The following LRBA variants were observed in gnomAD, a reference collection of about 807,000 sequenced individuals.
LRBA encodes LPS responsive beige-like anchor protein, also known as lipopolysaccharide-responsive and beige-like anchor protein.
LRBA carries 176 observed loss-of-function variants against 330.0 expected under a neutral mutation model. That is an observed-to-expected ratio of 0.53 (90% CI 0.47 to 0.60). LRBA has a LOEUF of 0.60. Ranked by LOEUF, LRBA falls within the 20% of genes least tolerant of loss-of-function variation. The probability of loss-of-function intolerance (pLI) is 0.00; values close to 1 mark genes in which losing one functional copy is unlikely to be tolerated. For missense variants in LRBA, 3,259 were observed against 3,444.8 expected, an observed-to-expected ratio of 0.95 and a Z score of 1.35; for synonymous variants, 1,230 against 1,193.0, an observed-to-expected ratio of 1.03 and a Z score of -0.64.
intron 53 of LRBA, among the ~76,000 whole-genome samples, chr4:150,291,682 A>C (rs1381917106): frequency 7.6e-6 from 1 of 131,110 alleles, no homozygotes; most frequent in Non-Finnish European, 1.6e-5. Flanking sequence ...TCAGGGATCT[A>C]GAACTAGAAA....
intron 40 of LRBA, among the ~76,000 whole-genome samples, chr4:150,536,565 T>C (rs1412935976): frequency 1.3e-5 from 2 of 152,234 alleles, no homozygotes; most frequent in African/African-American, 4.8e-5. Context: ...TGCAAAAAGT[T>C]AGTGTGTTGT....
intron 40 of LRBA, among the ~76,000 whole-genome samples, chr4:150,527,737 T>C (rs1024589869): frequency 6.6e-6 from 1 of 152,190 alleles, no homozygotes; most frequent in African/African-American, 2.4e-5. Context: ...TAAACTATGT[T>C]TCCTACACTT....
intron 36 of LRBA, among the ~76,000 whole-genome samples, chr4:150,713,855 A>G (rs193260527): frequency 6.6e-6 from 1 of 152,358 alleles, no homozygotes; most frequent in Admixed American, 6.5e-5. Context: ...TTTTCCCCAT[A>G]TAAAACCAAA....
chr4:150,278,834 T>TC (rs1183682765), intron 55 of LRBA, among the ~76,000 whole-genome samples: 219 of 147,490 alleles, frequency 1.5e-3, no homozygotes, highest in African/African-American at 5.0e-3. Flanking sequence ...TTTTTTTTTT[T>TC]CCCCCCTCGA....
chr4:150,506,862 T>A (rs2152124287), intron 40 of LRBA, among the ~76,000 whole-genome samples: 1 of 152,324 alleles, frequency 6.6e-6, no homozygotes, highest in South Asian at 2.1e-4. Flanking sequence ...CTTAAGCTGA[T>A]AAGCAACTTC....
chr4:150,424,753 G>A (rs929999205), intron 46 of LRBA, among the ~76,000 whole-genome samples: 9 of 152,230 alleles, frequency 5.9e-5, no homozygotes, highest in African/African-American at 1.9e-4. Context: ...ACAGACATGG[G>A]AAGAACATGC....
At chr4:150,478,699 C>A (rs1167756072) in intron 42 of LRBA, among the ~76,000 whole-genome samples, 1 of 152,138 alleles carries the variant, frequency 6.6e-6, no homozygotes, top group African/African-American at 2.4e-5. Context: ...TGCTTCAGGG[C>A]CTTTGCATAT....
chr4:150,987,997 G>A (rs1425391186), intron 2 of LRBA, among the ~76,000 whole-genome samples: 5 of 137,458 alleles, frequency 3.6e-5, no homozygotes, highest in African/African-American at 1.4e-4. Flanking sequence ...GCAAGACTCC[G>A]TCTCAAAAAA....
At chr4:150,289,767 C>A (rs923634983) in intron 53 of LRBA, among the ~76,000 whole-genome samples, 4 of 152,232 alleles carry the variant, frequency 2.6e-5, no homozygotes, top group African/African-American at 9.6e-5. Flanking sequence ...AAAATAAATA[C>A]CTACTACTTG....
chr4:150,532,774 AAATTT>A (rs765869142), intron 40 of LRBA, among the ~76,000 whole-genome samples: 1 of 152,148 alleles, frequency 6.6e-6, no homozygotes, highest in Non-Finnish European at 1.5e-5. Flanking sequence ...GAAAGAAATT[AAATTT>A]AATATGTAAT....
intron 40 of LRBA, among the ~76,000 whole-genome samples, chr4:150,578,786 C>A (rs1023252266): frequency 6.6e-6 from 1 of 152,200 alleles, no homozygotes; most frequent in African/African-American, 2.4e-5. Flanking sequence ...CTGAAGGTTA[C>A]GGACTACCTG....
chr4:150,917,263 G>C (rs1408210394), intron 5 of LRBA, among the ~76,000 whole-genome samples: 1 of 150,786 alleles, frequency 6.6e-6, no homozygotes, highest in African/African-American at 2.5e-5. Context: ...ACATAGTAAT[G>C]TTAATTAAAT....
intron 42 of LRBA, among the ~76,000 whole-genome samples, chr4:150,478,000 T>G (rs1561232793): frequency 6.6e-6 from 1 of 152,168 alleles, no homozygotes; most frequent in South Asian, 2.1e-4. Flanking sequence ...TCCTGTCTTT[T>G]GAGCCACTCC....
At chr4:150,297,834 C>T (rs1307693455) in intron 53 of LRBA, among the ~76,000 whole-genome samples, 1 of 152,262 alleles carries the variant, frequency 6.6e-6, no homozygotes, top group East Asian at 1.9e-4. Flanking sequence ...TTTTTCCTTA[C>T]ACAAAATATT....
At chr4:150,359,563 A>T (rs998813142) in intron 47 of LRBA, among the ~76,000 whole-genome samples, 1 of 152,196 alleles carries the variant, frequency 6.6e-6, no homozygotes, top group African/African-American at 2.4e-5. Flanking sequence ...ACATGGTAGA[A>T]GATTAGTTGA....
At chr4:150,970,240 C>T (rs1180824177) in intron 2 of LRBA, among the ~76,000 whole-genome samples, 1 of 152,018 alleles carries the variant, frequency 6.6e-6, no homozygotes, top group Non-Finnish European at 1.5e-5. Context: ...TGGCTCACAT[C>T]TGTAATCCCA....
chr4:150,906,735 G>T (rs1731381021), intron 11 of LRBA, among the ~76,000 whole-genome samples: 1 of 151,958 alleles, frequency 6.6e-6, no homozygotes, highest in Non-Finnish European at 1.5e-5. Context: ...ATACACTAAG[G>T]CCTTAAAGAA....
Position 150,725,970 on chromosome 4 carries a change from A to G in LRBA, c.5754+9288T>C, listed in dbSNP as rs184858901. Among the ~76,000 whole-genome samples, 257 of 152,310 alleles carry G rather than the reference A, an allele frequency of 1.7e-3. 1 individual carries two copies. Among genetic ancestry groups the G allele is most frequent in the Non-Finnish European group, 3.0e-3 (201 of 68,026 alleles). ...GATTGTGTTGGCAAGCCTTGTAATA[A>G]CCTCAAACTGAAACAAATAAAATGG... On this transcript the variant is annotated intron_variant, in intron 36 of 56. Transcript: ENST00000651943.
At chr4:150,282,745 C>A (rs1365882538) in intron 54 of LRBA, 99 bp from the exon 55 acceptor site, 1 of 824,542 alleles carries the variant, frequency 1.2e-6, no homozygotes, top group Non-Finnish European at 1.8e-6. Context: ...TAGAACCACA[C>A]TATAGATGTA....
Sources: gnomAD v4.1 joint callset for allele counts (sites outside exome capture counted in the v4.1 genomes callset) on GRCh38, gnomAD v4.1.1 for gene constraint, MANE v1.5 for transcripts, NCBI Gene and HGNC (gene_info 2026-07-23, HGNC 2026-07-21) for gene names.